PTPRD: variants seen among roughly 807,000 people sequenced by gnomAD.
PTPRD encodes the protein receptor-type tyrosine-protein phosphatase delta.
PTPRD carries 34 observed loss-of-function variants against 214.5 expected under a neutral mutation model. That is an observed-to-expected ratio of 0.16 (90% CI 0.12 to 0.21). The LOEUF is 0.21. PTPRD is among the 10% of genes least tolerant of loss of function. PTPRD has a pLI of 1.00. For synonymous variants in PTPRD, 1,128 were observed against 845.7 expected (o/e 1.33, Z -5.79); for missense variants, 2,545 against 2,398.7 (o/e 1.06, Z -1.27).
intron 2 of PTPRD, among the ~76,000 whole-genome samples, chr9:10,424,445 T>A (rs983067979): frequency 6.6e-6 from 1 of 151,880 alleles, no homozygotes; most frequent in Non-Finnish European, 1.5e-5. Flanking sequence ...CAATGGTCTA[T>A]CATAGAAATC....
intron 5 of PTPRD, among the ~76,000 whole-genome samples, chr9:9,900,244 G>A (rs1281935704): frequency 6.6e-6 from 1 of 152,056 alleles, no homozygotes; most frequent in Admixed American, 6.6e-5. Flanking sequence ...AAATCATTTT[G>A]TACTCCCATA....
chr9:8,515,806 G>A (rs750496289), intron 21 of PTPRD, among the ~76,000 whole-genome samples: 4 of 152,140 alleles, frequency 2.6e-5, no homozygotes, highest in Non-Finnish European at 4.4e-5. Flanking sequence ...CCAGAACTGT[G>A]AGACAATAGA....
chr9:10,091,756 C>A (rs1351236428), intron 3 of PTPRD, among the ~76,000 whole-genome samples: 1 of 140,126 alleles, frequency 7.1e-6, no homozygotes, highest in Non-Finnish European at 1.5e-5. Context: ...TCCATATATT[C>A]TTCATAAATA....
chr9:9,060,232 GC>G, intron 10 of PTPRD, among the ~76,000 whole-genome samples: 1 of 152,082 alleles, frequency 6.6e-6, no homozygotes, highest in Non-Finnish European at 1.5e-5. Flanking sequence ...CACAGCAGAG[GC>G]CAGTAGGAGA....
intron 11 of PTPRD, among the ~76,000 whole-genome samples, chr9:9,007,095 G>A (rs1416592010): frequency 2.0e-5 from 3 of 151,868 alleles, no homozygotes; most frequent in Non-Finnish European, 2.9e-5. Context: ...TTAAAATACT[G>A]TGTGTGCTCC....
intron 3 of PTPRD, among the ~76,000 whole-genome samples, chr9:10,068,777 G>A (rs769855368): frequency 2.6e-5 from 4 of 151,912 alleles, no homozygotes; most frequent in Admixed American, 6.6e-5. Context: ...AGAGTGGAAT[G>A]CCAAGAAGAA....
intron 2 of PTPRD, among the ~76,000 whole-genome samples, chr9:10,516,813 CATTTGCTGAAGAAACTATT>C (rs1254225868): frequency 6.6e-6 from 1 of 151,766 alleles, no homozygotes; most frequent in Non-Finnish European, 1.5e-5. Flanking sequence ...TTCCCAGCAC[CATTTGCTGAAGAAACTATT>C]ATTTTCCAAT....
In PTPRD at chr9:8,697,008, G is replaced by A. The variant is rs184497001; in HGVS notation, c.64+36772C>T. 2.9e-4 allele frequency among the ~76,000 whole-genome samples: 44 copies of A among 152,248 alleles called. No individual in the cohort carries two copies. The East Asian group carries it at 3.5e-3, about 12-fold the overall frequency. On this transcript the variant is annotated intron_variant, in intron 12 of 45. Coordinates refer to ENST00000381196, the MANE Select transcript of PTPRD (RefSeq NM_002839.4). ...ATCAAATGGGTTACAAAATGCTTGC[G>A]GAAGCGTGAGAACAACAGTAACAGT... is the stretch of plus-strand genomic sequence containing the variant.
rs564084520 is a variant in PTPRD, at chr9:9,790,187, A to G, written c.-367-23336T>C. ...AATGTACCCAAGTCTCGAGTTTCATAGCCTTAAAAAGTGAATGTTTGTTTT... is the reference window on the plus strand; with the variant it reads ...AATGTACCCAAGTCTCGAGTTTCATGGCCTTAAAAAGTGAATGTTTGTTTT... On this transcript the variant is annotated intron_variant, in intron 5 of 45. Coordinates refer to ENST00000381196, the MANE Select transcript of PTPRD (RefSeq NM_002839.4). 6.6e-5 allele frequency among the ~76,000 whole-genome samples: 10 copies of G among 152,290 alleles called. No homozygotes were observed. The South Asian group carries it at 2.1e-3, about 32-fold the overall frequency.
intron 5 of PTPRD, among the ~76,000 whole-genome samples, chr9:9,918,211 A>G (rs2081475872): frequency 6.6e-6 from 1 of 152,020 alleles, no homozygotes; most frequent in Admixed American, 6.6e-5. Context: ...GTTGCAGAAT[A>G]TAAAAATCAA....
At chr9:10,283,758 G>C (rs2095240967) in intron 3 of PTPRD, among the ~76,000 whole-genome samples, 1 of 152,106 alleles carries the variant, frequency 6.6e-6, no homozygotes, top group African/African-American at 2.4e-5. Flanking sequence ...ATATCTTTAG[G>C]TTTGTGTATT....
chr9:10,417,613 A>G (rs964574688), intron 2 of PTPRD, among the ~76,000 whole-genome samples: 6 of 151,776 alleles, frequency 4.0e-5, no homozygotes, highest in Non-Finnish European at 7.4e-5. Flanking sequence ...CAATAATAAC[A>G]TATATAAATA....
intron 7 of PTPRD, among the ~76,000 whole-genome samples, chr9:9,660,045 ATACT>A (rs2096592872): frequency 6.6e-6 from 1 of 152,062 alleles, no homozygotes; most frequent in Non-Finnish European, 1.5e-5. Flanking sequence ...TATTTTTAAC[ATACT>A]TTATTTAAAT....
intron 10 of PTPRD, among the ~76,000 whole-genome samples, chr9:9,027,760 C>G (rs777046389): frequency 1.3e-5 from 2 of 151,834 alleles, no homozygotes; most frequent in African/African-American, 4.8e-5. Context: ...TTTGTTATCT[C>G]TAAGTACAGA....
intron 9 of PTPRD, among the ~76,000 whole-genome samples, chr9:9,227,668 G>C (rs187785951): frequency 9.9e-5 from 15 of 152,188 alleles, no homozygotes; most frequent in African/African-American, 3.6e-4. Context: ...TTTCCTTCTT[G>C]AATTACTTAT....
intron 9 of PTPRD, among the ~76,000 whole-genome samples, chr9:9,272,841 G>T (rs4302899): frequency 6.6e-6 from 1 of 151,014 alleles, no homozygotes; most frequent in African/African-American, 2.4e-5. Flanking sequence ...ATATTCTGTG[G>T]TGATGCAGTG....
intron 2 of PTPRD, among the ~76,000 whole-genome samples, chr9:10,572,876 T>G (rs1388563267): frequency 6.6e-6 from 1 of 152,124 alleles, no homozygotes; most frequent in African/African-American, 2.4e-5. Flanking sequence ...CCGTTTCTTT[T>G]TTTTATTTTT....
intron 10 of PTPRD, among the ~76,000 whole-genome samples, chr9:9,162,932 A>T (rs1270670116): frequency 6.6e-6 from 1 of 152,108 alleles, no homozygotes. Context: ...TCTTGGGAAC[A>T]TTTGATACTG....
chr9:8,876,958 CT>C (rs939185324), intron 11 of PTPRD, among the ~76,000 whole-genome samples: 99 of 151,036 alleles, frequency 6.6e-4, no homozygotes, highest in African/African-American at 2.3e-3. Flanking sequence ...GAGGAAGTCT[CT>C]CTCTGTCCCC....
Sources: allele counts gnomAD v4.1 joint callset (sites outside exome capture counted in the v4.1 genomes callset), GRCh38; gene constraint gnomAD v4.1.1; transcripts MANE v1.5; gene names NCBI Gene and HGNC (gene_info 2026-07-23, HGNC 2026-07-21).